PHIP: variants seen among roughly 807,000 people sequenced by gnomAD.
PHIP encodes the protein PHIP subunit of CUL4-Ring ligase complex.
PHIP carries 54 observed loss-of-function variants against 236.8 expected under a neutral mutation model. The observed-to-expected ratio is 0.23, with a 90% CI of 0.18 to 0.29. PHIP has a LOEUF of 0.29. Ranked by LOEUF, PHIP falls within the 10% of genes least tolerant of loss-of-function variation. The pLI is 1.00. For missense variants in PHIP, 1,370 were observed against 2,190.8 expected, an observed-to-expected ratio of 0.63 and a Z score of 7.48; for synonymous variants, 756 against 718.9, an observed-to-expected ratio of 1.05 and a Z score of -0.83.
intron 31 of PHIP, among the ~76,000 whole-genome samples, 171 bp downstream of exon 31, chr6:78,961,519 C>T (rs1766777825): frequency 6.6e-6 from 1 of 152,014 alleles, no homozygotes; most frequent in African/African-American, 2.4e-5. Context: ...AATGCAGAAT[C>T]TCAGGTCCCA....
At chr6:78,971,669 G>A (rs574813131) in intron 24 of PHIP, among the ~76,000 whole-genome samples, 7 of 152,150 alleles carry the variant, frequency 4.6e-5, no homozygotes, top group East Asian at 1.9e-4. Context: ...CAGTGGGTGC[G>A]CGCACCGTGT....
At chr6:78,978,878 A>C (rs1367017589) in intron 23 of PHIP, among the ~76,000 whole-genome samples, 167 bp from the exon 24 acceptor site, 1 of 152,174 alleles carries the variant, frequency 6.6e-6, no homozygotes, top group Non-Finnish European at 1.5e-5. Context: ...ACATCCATGC[A>C]TTCAACCAAC....
chr6:78,958,381 C>G (rs940185795), intron 32 of PHIP, 94 bp downstream of exon 32: 1 of 829,830 alleles, frequency 1.2e-6, no homozygotes, highest in Non-Finnish European at 1.9e-6. Context: ...TTAAATGTTT[C>G]TTCTTTACAA....
chr6:78,985,157 G>C (rs1371230973), intron 22 of PHIP, among the ~76,000 whole-genome samples, 195 bp downstream of exon 22: 1 of 151,912 alleles, frequency 6.6e-6, no homozygotes, highest in African/African-American at 2.4e-5. Flanking sequence ...TCATTTTGCA[G>C]ATCTAGTTGC....
At chr6:79,059,624 T>TAA (rs66525485) in intron 6 of PHIP, among the ~76,000 whole-genome samples, 5 of 65,780 alleles carry the variant, frequency 7.6e-5, no homozygotes, top group Admixed American at 1.6e-4. Flanking sequence ...TATATATATA[T>TAA]AAAAATGCCA....
At chr6:78,996,893 T>G (rs1326015446) in intron 19 of PHIP, among the ~76,000 whole-genome samples, 1 of 152,004 alleles carries the variant, frequency 6.6e-6, no homozygotes, top group Non-Finnish European at 1.5e-5. Context: ...GGATATAAAC[T>G]TCCCTCATGG....
intron 38 of PHIP, 95 bp from the exon 39 acceptor site, chr6:78,945,592 C>T (rs992397126): frequency 1.3e-6 from 1 of 780,280 alleles, no homozygotes; most frequent in East Asian, 2.7e-5. Context: ...GCCAAGACAA[C>T]AAAACCTGAA....
intron 35 of PHIP, among the ~76,000 whole-genome samples, chr6:78,950,478 ATTTG>A (rs1774082913): frequency 6.6e-6 from 1 of 152,178 alleles, no homozygotes; most frequent in South Asian, 2.1e-4. Flanking sequence ...AGGACTAGAC[ATTTG>A]TTTTTTGAAA....
chr6:79,003,152 TG>T (rs1299074183), intron 16 of PHIP, among the ~76,000 whole-genome samples: 2 of 152,080 alleles, frequency 1.3e-5, no homozygotes, highest in African/African-American at 4.8e-5. Flanking sequence ...TAGTGCCACC[TG>T]CAGTTATTTA....
At chr6:79,027,765 C>T (rs1236376491) in intron 7 of PHIP, among the ~76,000 whole-genome samples, 1 of 152,070 alleles carries the variant, frequency 6.6e-6, no homozygotes, top group African/African-American at 2.4e-5. Context: ...TGGAAAGGAA[C>T]CCAGAAGTGG....
Position 79,015,073 on chromosome 6 carries a change from G to T in PHIP, c.1524+9C>A. On this transcript the variant is annotated intron_variant, in intron 15 of 39. Transcript: ENST00000275034. ...TTAGTAGGTATAAAATGAAGAGAAT[G>T]ATAATTACCATATTGAAATAAGATC... 6.2e-7 allele frequency: 1 copy of T among 1,606,668 alleles called. No individual in the cohort carries two copies. The highest frequency in any genetic ancestry group is 8.5e-7 in the Non-Finnish European group (1 of 1,174,124).
chr6:78,939,522 C>A lies in PHIP; in HGVS notation c.*1171G>T, dbSNP rs1773389444. On this transcript the variant is annotated 3_prime_UTR_variant, in exon 40 of 40. Transcript: ENST00000275034. ...ATGACATTTTAAAATTATTTTTATT[C>A]TACTGCTATCTAAAAAATCCTGAAA... The A allele has an allele frequency of 6.6e-6, 1 of 151,660 alleles. No individual in the cohort carries two copies. Among genetic ancestry groups the A allele is most frequent in the South Asian group, 2.1e-4 (1 of 4,822 alleles). 9.4% of individuals were successfully genotyped at this position (151,660 alleles called of 1,614,324 possible).
intron 6 of PHIP, among the ~76,000 whole-genome samples, chr6:79,052,460 G>C (rs957912851): frequency 3.9e-5 from 6 of 152,146 alleles, no homozygotes; most frequent in Admixed American, 2.0e-4. Context: ...AGCTAGGTTA[G>C]GTATTTTGGA....
chr6:78,982,916 C>A lies in PHIP; in HGVS notation c.2739G>T (p.Lys913Asn). Reference sequence around the variant, plus strand: ...GTTTTCTTTCTTTGGGCTTCTTTTTCTTTGGTGATATTGGTCCATCTTTTT... The same window carrying A: ...GTTTTCTTTCTTTGGGCTTCTTTTTATTTGGTGATATTGGTCCATCTTTTT... Reference protein sequence around the residue: ...NEEKDGPISPKKKKPKERKQK... With the variant: ...NEEKDGPISPNKKKPKERKQK... The change falls in exon 23 of 40, where the codon AAG becomes AAT. Residue 913 changes from lysine to asparagine, a missense_variant. By Grantham distance (94) the Lys-to-Asn change is moderately conservative. Transcript: ENST00000275034. 1 of 1,570,858 alleles carries A rather than the reference C, an allele frequency of 6.4e-7. No individual in the cohort carries two copies. The highest frequency in any genetic ancestry group is 1.2e-5 in the South Asian group (1 of 82,980).
At chr6:79,059,691 T>G (rs1773268802) in intron 6 of PHIP, among the ~76,000 whole-genome samples, 1 of 146,144 alleles carries the variant, frequency 6.8e-6, no homozygotes, top group Non-Finnish European at 1.5e-5. Context: ...AAGGAAGAAT[T>G]AAGTAAGATT....
chr6:79,021,537 T>C (rs1030150836), intron 9 of PHIP, among the ~76,000 whole-genome samples: 5 of 151,986 alleles, frequency 3.3e-5, no homozygotes, highest in Non-Finnish European at 5.9e-5. Context: ...TGGAGTACTA[T>C]TCAGCCATAA....
At chr6:79,059,591 T>TTATATATATATATATATATA (rs72226338) in intron 6 of PHIP, among the ~76,000 whole-genome samples, 154 of 84,648 alleles carry the variant, frequency 1.8e-3, no homozygotes, top group African/African-American at 2.5e-3. Flanking sequence ...GAAAGCAAAA[T>TTATATATATATATATATATA]TATATATATA....
chr6:79,003,617 C>T (rs912546155), intron 16 of PHIP, 113 bp downstream of exon 16: 2 of 697,708 alleles, frequency 2.9e-6, no homozygotes, highest in Non-Finnish European at 2.2e-6. Flanking sequence ...CAAGATTCTT[C>T]GAATTTTATC....
intron 13 of PHIP, 86 bp downstream of exon 13, chr6:79,016,458 T>A: frequency 1.6e-6 from 1 of 642,380 alleles, no homozygotes; most frequent in Non-Finnish European, 2.6e-6. Flanking sequence ...TGATATATAA[T>A]TTTATAGGCT....
Sources: allele counts gnomAD v4.1 joint callset (sites outside exome capture counted in the v4.1 genomes callset), GRCh38; gene constraint gnomAD v4.1.1; transcripts MANE v1.5; gene names NCBI Gene and HGNC (gene_info 2026-07-23, HGNC 2026-07-21).